The following IFT88 variants were observed in gnomAD, a reference collection of about 807,000 sequenced individuals.
The protein encoded by IFT88 is intraflagellar transport protein 88 homolog.
A neutral mutation model predicts 119.5 loss-of-function variants in IFT88; 74 were observed. That is an observed-to-expected ratio of 0.62 (90% confidence interval 0.51 to 0.75). The LOEUF (loss-of-function observed/expected upper bound fraction) is 0.75. IFT88 is among the 30% of genes least tolerant of loss of function. The pLI, the probability that IFT88 is intolerant of heterozygous loss-of-function variation, is 0.00. For synonymous variants in IFT88, 279 were observed against 316.7 expected, an observed-to-expected ratio of 0.88 and a Z score of 1.26; for missense variants, 961 against 977.7, an observed-to-expected ratio of 0.98 and a Z score of 0.23.
chr13:20,669,273 A>G (rs1204868617), intron 23 of IFT88, among the ~76,000 whole-genome samples: 1 of 152,190 alleles, frequency 6.6e-6, no homozygotes, highest in African/African-American at 2.4e-5. Flanking sequence ...GTGTCAGGCA[A>G]TAAAGAGTGT....
chr13:20,672,778 A>C (rs763127442), intron 24 of IFT88, among the ~76,000 whole-genome samples: 4 of 152,248 alleles, frequency 2.6e-5, no homozygotes, highest in African/African-American at 4.8e-5. Context: ...AAAGACTATG[A>C]ATAGCCTCAA....
intron 24 of IFT88, among the ~76,000 whole-genome samples, chr13:20,675,814 T>C (rs925098241): frequency 6.6e-6 from 1 of 152,274 alleles, no homozygotes; most frequent in Non-Finnish European, 1.5e-5. Flanking sequence ...CTTTTCTTCC[T>C]AACCATTTTA....
intron 3 of IFT88, among the ~76,000 whole-genome samples, chr13:20,586,374 G>A (rs2039663995): frequency 6.6e-6 from 1 of 152,202 alleles, no homozygotes; most frequent in Admixed American, 6.5e-5. Context: ...GACACACTTA[G>A]ATATTACAAG....
chr13:20,643,798 G>A (rs1675809744), intron 19 of IFT88, among the ~76,000 whole-genome samples, 193 bp downstream of exon 19: 2 of 152,188 alleles, frequency 1.3e-5, no homozygotes, highest in African/African-American at 4.8e-5. Context: ...CTGTCGCCCA[G>A]GCTGCTGCAC....
intron 22 of IFT88, among the ~76,000 whole-genome samples, chr13:20,661,892 C>T (rs562036188): frequency 2.7e-4 from 41 of 152,108 alleles, no homozygotes; most frequent in African/African-American, 8.2e-4. Flanking sequence ...CAGGAAATCC[C>T]GGGAATTGGA....
At position 20,630,999 on chromosome 13, in the gene IFT88, AG is replaced by A. The variant is rs748161595; in HGVS notation, c.1300-16del. On this transcript the variant is annotated splice_polypyrimidine_tract_variant and intron_variant, in intron 15 of 25. Transcript: ENST00000351808. ...TCATATTACAGTGGTAGTAACCTTC[AG>A]ATATTCCATTTCTAGGCTGTAGAGA... 7.2e-5 allele frequency: 104 copies of A among 1,442,490 alleles called. 1 individual carries two copies. The Middle Eastern group carries it at 1.4e-3, about 19-fold the overall frequency. 89.4% of individuals were successfully genotyped at this position (1,442,490 alleles called of 1,614,324 possible).
chr13:20,609,129 TA>T (rs2044019346), intron 13 of IFT88, among the ~76,000 whole-genome samples: 1 of 152,198 alleles, frequency 6.6e-6, no homozygotes, highest in Non-Finnish European at 1.5e-5. Context: ...CCCTATGCGT[TA>T]GGACTGGCTT....
chr13:20,681,392 G>A (rs1328556409), intron 24 of IFT88, among the ~76,000 whole-genome samples: 1 of 152,206 alleles, frequency 6.6e-6, no homozygotes, highest in Non-Finnish European at 1.5e-5. Context: ...ATTAGGTTCC[G>A]ATCCTCGAGG....
chr13:20,584,374 TTTC>T (rs1385033254), intron 3 of IFT88, among the ~76,000 whole-genome samples: 1 of 152,142 alleles, frequency 6.6e-6, no homozygotes, highest in Non-Finnish European at 1.5e-5. Flanking sequence ...GATCAAATGA[TTTC>T]TTATGTTATT....
Position 20,632,963 on chromosome 13 carries a change from A to G in IFT88, c.1386+1861A>G, listed in dbSNP as rs543231539. Among the ~76,000 whole-genome samples the G allele has an allele frequency of 5.9e-5, 9 of 152,318 alleles. No homozygotes were observed. The South Asian group carries it at 1.9e-3, about 32-fold the overall frequency. On this transcript the variant is annotated intron_variant, in intron 16 of 25. Transcript: ENST00000351808. Reference sequence around the variant, plus strand: ...TGGAAAGGTATCATATCCCTCATATATGTAAAGATGAAGAAAGAGATCCAA... The same window carrying G: ...TGGAAAGGTATCATATCCCTCATATGTGTAAAGATGAAGAAAGAGATCCAA...
intron 12 of IFT88, among the ~76,000 whole-genome samples, chr13:20,604,456 A>T (rs554431171): frequency 6.6e-6 from 1 of 152,310 alleles, no homozygotes; most frequent in African/African-American, 2.4e-5. Flanking sequence ...ACATATTTGT[A>T]CTAACAACCC....
intron 16 of IFT88, among the ~76,000 whole-genome samples, chr13:20,635,913 A>G (rs28560396): frequency 2.0e-5 from 3 of 152,110 alleles, no homozygotes; most frequent in South Asian, 2.1e-4. Context: ...TAAAAAAAAA[A>G]GGAAAGAAAT....
Position 20,591,690 on chromosome 13 carries a change from C to T in IFT88, c.328+9C>T. On this transcript the variant is annotated intron_variant, in intron 6 of 25. Transcript: ENST00000351808. ...CAAAGCAGCTTTGAGAGGTTTGTTA[C>T]ACTGTCTCTACTAATAATCTTTTTT... The T allele has an allele frequency of 1.9e-6, 3 of 1,584,066 alleles. No individual in the cohort carries two copies. The highest frequency in any genetic ancestry group is 2.6e-6 in the Non-Finnish European group (3 of 1,153,368).
chr13:20,568,910 C>T (rs1050658406), intron 1 of IFT88, among the ~76,000 whole-genome samples: 1 of 151,966 alleles, frequency 6.6e-6, no homozygotes, highest in Non-Finnish European at 1.5e-5. Context: ...TTAGTAGAGA[C>T]GGGGTTTCAC....
chr13:20,592,499 T>G, intron 7 of IFT88, 95 bp downstream of exon 7: 1 of 827,548 alleles, frequency 1.2e-6, no homozygotes, highest in Non-Finnish European at 1.9e-6. Flanking sequence ...AGATGATATC[T>G]CACTCTGTTG....
Position 20,656,363 on chromosome 13 carries a change from A to G in IFT88, c.2003-2A>G, listed in dbSNP as rs201216388. On this transcript the variant is annotated splice_acceptor_variant, in intron 21 of 25. Transcript: ENST00000351808. LOFTEE classifies it high-confidence loss of function. ...ATATATTTTTCTCTTGTTTGTTTAT[A>G]GGTAACTACCAAAAAGCATTAGATA... 35 of 1,380,496 alleles carry G rather than the reference A, an allele frequency of 2.5e-5. No individual in the cohort carries two copies. The highest frequency in any genetic ancestry group is 3.3e-5 in the Non-Finnish European group (33 of 1,001,984). 85.5% of individuals were successfully genotyped at this position (1,380,496 alleles called of 1,614,324 possible).
chr13:20,679,841 A>G (rs974906750), intron 24 of IFT88, among the ~76,000 whole-genome samples: 5 of 152,162 alleles, frequency 3.3e-5, no homozygotes, highest in Admixed American at 2.6e-4. Context: ...AGGTCATATC[A>G]TTTGGGGTTG....
intron 22 of IFT88, among the ~76,000 whole-genome samples, chr13:20,659,324 A>G (rs1301767864): frequency 6.6e-6 from 1 of 151,918 alleles, no homozygotes; most frequent in Non-Finnish European, 1.5e-5. Flanking sequence ...CAAGACCTCA[A>G]CTCTTCTAAA....
intron 15 of IFT88, among the ~76,000 whole-genome samples, chr13:20,630,532 A>G (rs983657690): frequency 5.3e-5 from 8 of 152,314 alleles, no homozygotes. Context: ...ACTCAGCTGC[A>G]TCACATGACT....
Sources: gnomAD v4.1 joint callset for allele counts (sites outside exome capture counted in the v4.1 genomes callset) on GRCh38, gnomAD v4.1.1 for gene constraint, MANE v1.5 for transcripts, NCBI Gene and HGNC (gene_info 2026-07-23, HGNC 2026-07-21) for gene names.